Variants in KMT2A observed in about 807,000 individuals in gnomAD.
KMT2A encodes the protein lysine methyltransferase 2A.
A neutral mutation model predicts 345.3 loss-of-function variants in KMT2A; 16 were observed. The ratio of observed to expected loss-of-function variants is 0.05; its 90% CI spans 0.03 to 0.07. KMT2A has a LOEUF of 0.07. Among genes scored for constraint, KMT2A ranks in the 10% least tolerant of loss-of-function variants. The pLI, the probability that KMT2A is intolerant of heterozygous loss-of-function variation, is 1.00. For synonymous variants in KMT2A, 1,599 were observed against 1,778.6 expected, an observed-to-expected ratio of 0.90 and a Z score of 2.54; for missense variants, 3,272 against 4,841.6, an observed-to-expected ratio of 0.68 and a Z score of 9.62.
At position 118,491,929 on chromosome 11, in the gene KMT2A, G is replaced by C; in HGVS notation, c.5004+1G>C. On this transcript the variant is annotated splice_donor_variant, in intron 15 of 35. Coordinates refer to ENST00000534358, the MANE Select transcript of KMT2A (RefSeq NM_001197104.2). LOFTEE classifies it high-confidence loss of function. This position sits in a 1 kb window ranked among gnomAD's most constrained non-coding sequence, Gnocchi z 4.2. ...CAGCCATTTGCTACGCTACCGGCAG[G>C]TAGGCCAAGTCTCATTTTTTTCTGA... The C allele has an allele frequency of 6.2e-7, 1 of 1,610,874 alleles. No individual in the cohort carries two copies. The highest frequency in any genetic ancestry group is 2.2e-5 in the East Asian group (1 of 44,878).
intron 1 of KMT2A, among the ~76,000 whole-genome samples, chr11:118,467,528 A>G (rs1949868042): frequency 6.6e-6 from 1 of 152,250 alleles, no homozygotes; most frequent in Non-Finnish European, 1.5e-5. Flanking sequence ...GTTGCCTAGT[A>G]TGCAAAGGCT....
At chr11:118,447,892 A>T (rs1187849743) in intron 1 of KMT2A, 6 of 212,948 alleles carry the variant, frequency 2.8e-5, no homozygotes, top group African/African-American at 1.4e-4. Context: ...ATTGGTAATG[A>T]TGGTTGTCAT....
At chr11:118,479,154 C>T (rs935152743) in intron 5 of KMT2A, among the ~76,000 whole-genome samples, 39 of 152,174 alleles carry the variant, frequency 2.6e-4, no homozygotes, top group Admixed American at 2.5e-3. Context: ...TTATTTACTA[C>T]AATCACCCTG....
chr11:118,468,997 TATTA>T (rs1459680402), intron 2 of KMT2A, among the ~76,000 whole-genome samples, 153 bp downstream of exon 2: 1 of 152,156 alleles, frequency 6.6e-6, no homozygotes, highest in African/African-American at 2.4e-5. Flanking sequence ...TTTATTTATT[TATTA>T]TTGTTATACT....
intron 1 of KMT2A, among the ~76,000 whole-genome samples, chr11:118,465,601 T>G (rs1468493393): frequency 2.0e-5 from 3 of 152,140 alleles, no homozygotes; most frequent in Admixed American, 6.6e-5. Flanking sequence ...TTACATAGTC[T>G]GAGAGAATCA....
At position 118,509,145 on chromosome 11, in the gene KMT2A, T is replaced by C. The variant is rs781950848; in HGVS notation, c.10845T>C (p.Ala3615=). 4 of 1,613,918 alleles carry C rather than the reference T, an allele frequency of 2.5e-6. No individual in the cohort carries two copies. In the Admixed American group the frequency reaches 6.7e-5, roughly 27 times the overall value. Residue 3615 remains alanine (A), a synonymous_variant, in exon 29 of 36, where the codon GCT becomes GCC. Coordinates refer to ENST00000534358, the MANE Select transcript of KMT2A (RefSeq NM_001197104.2). ...TTTGGTTTTTATTTAGGCAAGTCGC[T>C]GTTCTTCCGGAAGTTCAGGTGACCC... ...KECGQPAGQV[A]VLPEVQVTQN... is the part of the protein sequence containing the mutation.
rs1950546666 is a variant in KMT2A, at chr11:118,504,236, A to G, written c.8344A>G (p.Lys2782Glu). 1.2e-6 allele frequency: 2 copies of G among 1,614,218 alleles called. No individual in the cohort carries two copies. Among genetic ancestry groups the G allele is most frequent in the East Asian group, 4.5e-5 (2 of 44,882 alleles). Residue 2782 changes from lysine (K) to glutamate (E), a missense_variant, in exon 27 of 36, where the codon AAG (lysine) becomes GAG (glutamate). Around this residue, in one of 27 missense-constraint regions of KMT2A, gnomAD observed 100 missense variants for 101.3 expected, o/e 0.99. Coordinates refer to ENST00000534358, the MANE Select transcript of KMT2A (RefSeq NM_001197104.2). This position sits in a 1 kb window ranked among gnomAD's most constrained non-coding sequence, Gnocchi z 6.4. Reference protein sequence around the residue: ...KSSVGHKNEPKMDNCHSVSRV... With the variant: ...KSSVGHKNEPEMDNCHSVSRV... ...TTCTGTTGGCCACAAAAATGAGCCA[A>G]AGATGGATAACTGCCATTCTGTAAG...
intron 1 of KMT2A, among the ~76,000 whole-genome samples, chr11:118,443,347 T>C (rs534714984): frequency 6.6e-6 from 1 of 152,350 alleles, no homozygotes; most frequent in South Asian, 2.1e-4. Context: ...GAGCCGCTTT[T>C]CTTGACCTAT....
rs2134378601 is a variant in KMT2A at position 118,501,056 on chromosome 11, G to A, written c.6228G>A (p.Glu2076=). The A allele has an allele frequency of 1.2e-6, 2 of 1,614,106 alleles. No homozygotes were observed. The highest frequency in any genetic ancestry group is 1.7e-6 in the Non-Finnish European group (2 of 1,179,986). ...GTGTATATACATGCAAGATAGTGGA[G>A]TGCCGTCCTCCAGTCGTAGAGCCGG... is the stretch of plus-strand genomic sequence containing the variant. ...KRCVYTCKIV[E]CRPPVVEPDI... The change falls in exon 25 of 36, where the codon GAG becomes GAA. Residue 2076 remains glutamate (E), a synonymous_variant. Coordinates refer to ENST00000534358, the MANE Select transcript of KMT2A (RefSeq NM_001197104.2).
chr11:118,511,126 A>G (rs1205135548), intron 30 of KMT2A, among the ~76,000 whole-genome samples: 5 of 152,186 alleles, frequency 3.3e-5, no homozygotes, highest in African/African-American at 1.2e-4. Flanking sequence ...ATTTCAGGAA[A>G]CATAATGTGA....
rs189880899 is a variant in KMT2A at position 118,523,190 on chromosome 11, G to A, written c.*1018G>A. On this transcript the variant is annotated 3_prime_UTR_variant, in exon 36 of 36. Coordinates refer to ENST00000534358, the MANE Select transcript of KMT2A (RefSeq NM_001197104.2). ...AATAGGATTTAAATCATGCAACAAC[G>A]AGAGTATCACAGCCAGGATGACCCT... The A allele has an allele frequency of 4.4e-6, 1 of 228,892 alleles. No homozygotes were observed. The highest frequency in any genetic ancestry group is 8.7e-6 in the Non-Finnish European group (1 of 115,068). 14.2% of individuals were successfully genotyped at this position (228,892 alleles called of 1,614,324 possible).
At chr11:118,454,827 TA>T (rs1312307279) in intron 1 of KMT2A, among the ~76,000 whole-genome samples, 6 of 152,168 alleles carry the variant, frequency 3.9e-5, no homozygotes, top group East Asian at 1.9e-4. Context: ...CTTTTGACTT[TA>T]AAAAAATGGT....
intron 28 of KMT2A, 37 bp from the exon 29 acceptor site, chr11:118,509,099 T>G: frequency 6.3e-7 from 1 of 1,579,160 alleles, no homozygotes; most frequent in Non-Finnish European, 8.7e-7. Flanking sequence ...ATTGAAGAAC[T>G]AGCTGATATT....
chr11:118,519,972 C>T lies in KMT2A; in HGVS notation c.11337C>T (p.Asp3779=). 6.2e-7 allele frequency: 1 copy of T among 1,613,464 alleles called. No individual in the cohort carries two copies. Among genetic ancestry groups the T allele is most frequent in the Non-Finnish European group, 8.5e-7 (1 of 1,179,404 alleles). Residue 3779 remains aspartate, a synonymous_variant, in exon 33 of 36, where the codon GAC becomes GAT. Coordinates refer to ENST00000534358, the MANE Select transcript of KMT2A (RefSeq NM_001197104.2). ...AEVHLRKSAF[D]MFNFLASKHR... ...TTGGCCCCAGGAAGTCAGCATTTGA[C>T]ATGTTTAACTTCCTGGCTTCTAAAC...
At chr11:118,451,734 G>A (rs1189800140) in intron 1 of KMT2A, among the ~76,000 whole-genome samples, 6 of 150,360 alleles carry the variant, frequency 4.0e-5, no homozygotes, top group Non-Finnish European at 5.9e-5. Flanking sequence ...TCAAGCAGTC[G>A]TCCTGCCTTG....
rs781790615 is a variant in KMT2A, at chr11:118,474,327, C to T, written c.3156+12C>T. 94 of 1,607,664 alleles carry T rather than the reference C, an allele frequency of 5.8e-5. No individual in the cohort carries two copies. The Admixed American group carries it at 1.1e-3, about 19-fold the overall frequency. On this transcript the variant is annotated intron_variant, in intron 3 of 35. Transcript: ENST00000534358. ...AGCCCAAAGCACAGGTACTCTTTTC[C>T]ACCTTGCCTATTAAAACTAACAGTT...
At chr11:118,485,111 T>C in intron 10 of KMT2A, 136 bp downstream of exon 10, 1 of 661,544 alleles carries the variant, frequency 1.5e-6, no homozygotes. Flanking sequence ...TGTTTTGAAG[T>C]ATTTTAGAGA....
Position 118,512,206 on chromosome 11 carries a change from A to G in KMT2A, c.11146+181A>G, listed in dbSNP as rs1198151635. 1.2e-5 allele frequency: 7 copies of G among 608,306 alleles called. 1 individual carries two copies. The highest frequency in any genetic ancestry group is 3.0e-5 in the Admixed American group (1 of 33,622). 37.7% of individuals were successfully genotyped at this position (608,306 alleles called of 1,614,324 possible). On this transcript the variant is annotated intron_variant, in intron 31 of 35. Transcript: ENST00000534358. ...AAAGCATACAATTCAGTGGTTTTTA[A>G]TATATTCAGAGTTGTATAACCACCA...
At position 118,494,151 on chromosome 11, in the gene KMT2A, A is replaced by C. The variant is rs1327223133; in HGVS notation, c.5179-137A>C. 18 of 558,798 alleles carry C rather than the reference A, an allele frequency of 3.2e-5. No homozygotes were observed. The highest frequency in any genetic ancestry group is 5.1e-5 in the Non-Finnish European group (16 of 310,770). The allele number at this position is 558,798 out of a possible 1,614,324, so 34.6% of individuals were successfully genotyped here. A position where few individuals can be genotyped will look rare whatever the true frequency, so the allele number is the denominator to read the frequency against. ...GAATTGAATCTCAAAGGTCTCAGCCAAAGAGTATTATACCACATTAAAATA... is the reference window on the plus strand; with the variant it reads ...GAATTGAATCTCAAAGGTCTCAGCCCAAGAGTATTATACCACATTAAAATA... On this transcript the variant is annotated intron_variant, in intron 16 of 35. Coordinates refer to ENST00000534358, the MANE Select transcript of KMT2A (RefSeq NM_001197104.2). The surrounding 1 kb of genome is among the most constrained non-coding windows in gnomAD (Gnocchi z 5.8).
Sources: gnomAD v4.1 joint callset for allele counts (sites outside exome capture counted in the v4.1 genomes callset) on GRCh38, gnomAD v4.1.1 for gene constraint, gnomAD v4.1.1 regional missense constraint, Gnocchi (gnomAD v3.1) non-coding constraint, MANE v1.5 for transcripts, NCBI Gene and HGNC (gene_info 2026-07-23, HGNC 2026-07-21) for gene names.